TRIM29: variants seen among roughly 807,000 people sequenced by gnomAD.
TRIM29 encodes tripartite motif containing 29, also known as tripartite motif-containing protein 29.
In TRIM29, 52 loss-of-function variants were observed where a neutral mutation model predicts 57.3. That is an observed-to-expected ratio of 0.91 (90% CI 0.73 to 1.14). The LOEUF is 1.14. Among genes scored for constraint, TRIM29 ranks in the 50% most tolerant of loss-of-function variants. TRIM29 has a pLI of 0.00. For synonymous variants in TRIM29, 319 were observed against 316.9 expected, an observed-to-expected ratio of 1.01 and a Z score of -0.07; for missense variants, 753 against 774.6, an observed-to-expected ratio of 0.97 and a Z score of 0.33.
intron 4 of TRIM29, chr11:120,125,436 T>G: frequency 1.4e-4 from 66 of 484,996 alleles, no homozygotes; most frequent in East Asian, 1.7e-4. Flanking sequence ...AGAGGAGGCA[T>G]TTGTGGAGCC....
At position 120,137,553 on chromosome 11, in the gene TRIM29, A is replaced by C; in HGVS notation, c.479T>G (p.Leu160Arg). Residue 160 changes from leucine to arginine, a missense_variant, in exon 1 of 9, where the codon CTT (leucine) becomes CGT (arginine). Physicochemically the swap from Leu to Arg is moderately radical, Grantham distance 102. Coordinates refer to ENST00000341846, the MANE Select transcript of TRIM29 (RefSeq NM_012101.4). This position sits in a 1 kb window ranked among gnomAD's most constrained non-coding sequence, Gnocchi z 6.2. ...RNSYPRADTGLFSRSKSGSEE... is the reference protein window; with the variant it reads ...RNSYPRADTGRFSRSKSGSEE... ...GGAGCCGGACTTGGACCGTGAAAAA[A>C]GGCCCGTGTCGGCCCGGGGGTAGCT... The C allele has an allele frequency of 6.2e-7, 1 of 1,610,348 alleles. No homozygotes were observed. Among genetic ancestry groups the C allele is most frequent in the Non-Finnish European group, 8.5e-7 (1 of 1,179,964 alleles).
At chr11:120,115,588 C>A in intron 7 of TRIM29, 174 bp from the exon 8 acceptor site, 1 of 602,536 alleles carries the variant, frequency 1.7e-6, no homozygotes, top group Non-Finnish European at 2.9e-6. Context: ...ACCGAAAATC[C>A]TGGGGAGGCT....
intron 4 of TRIM29, 79 bp from the exon 5 acceptor site, chr11:120,123,134 A>T: frequency 8.4e-7 from 1 of 1,196,460 alleles, no homozygotes; most frequent in Non-Finnish European, 1.2e-6. Context: ...TGGGGCTCAG[A>T]TGAGTCACCC....
chr11:120,119,867 G>T (rs143582430), intron 6 of TRIM29, among the ~76,000 whole-genome samples: 56 of 152,270 alleles, frequency 3.7e-4, no homozygotes, highest in Non-Finnish European at 7.4e-4. Flanking sequence ...CCAGAACCAG[G>T]TCTCATTGAA....
At chr11:120,136,589 G>A (rs1863818124) in intron 1 of TRIM29, among the ~76,000 whole-genome samples, 2 of 152,136 alleles carry the variant, frequency 1.3e-5, no homozygotes, top group Admixed American at 6.5e-5. Flanking sequence ...GGATAAAGGA[G>A]GCTGTGGAGG....
Position 120,127,525 on chromosome 11 carries a change from C to G in TRIM29, c.945G>C (p.Arg315=). The G allele has an allele frequency of 6.2e-7, 1 of 1,614,170 alleles. No individual in the cohort carries two copies. The highest frequency in any genetic ancestry group is 8.5e-7 in the Non-Finnish European group (1 of 1,180,030). Residue 315 remains arginine, a synonymous_variant, in exon 3 of 9, where the codon CGG becomes CGC. Transcript: ENST00000341846. ...NEKAILEQNF[R]DLVRDLEKQK... ...GCTTCTCCAGGTCCCGCACCAGGTC[C>G]CGGAAGTTCTGCTCCAGGATGGCCT... is the stretch of plus-strand genomic sequence containing the variant.
rs190011259 is a variant in TRIM29, at chr11:120,136,474, G to A, written c.804+754C>T. 1.7e-3 allele frequency among the ~76,000 whole-genome samples: 252 copies of A among 152,238 alleles called. 1 individual carries two copies. Among genetic ancestry groups the A allele is most frequent in the Admixed American group, 4.2e-3 (64 of 15,294 alleles). On this transcript the variant is annotated intron_variant, in intron 1 of 8. Coordinates refer to ENST00000341846, the MANE Select transcript of TRIM29 (RefSeq NM_012101.4). ...TCAGGGACTAGCTGTACACGTACAC[G>A]CCATCCACACACAAACTCCAAACTT...
chr11:120,120,784 C>G, intron 5 of TRIM29, 119 bp from the exon 6 acceptor site: 1 of 816,226 alleles, frequency 1.2e-6, no homozygotes, highest in South Asian at 1.4e-5. Context: ...GAGAGAAGTC[C>G]TTTGGGTCTG....
At chr11:120,118,402 T>C (rs1863339732) in intron 6 of TRIM29, 81 bp from the exon 7 acceptor site, 1 of 1,078,150 alleles carries the variant, frequency 9.3e-7, no homozygotes, top group South Asian at 1.5e-5. Context: ...GCCAGGTCTA[T>C]GACTCTCTAG....
At chr11:120,127,143 T>TA (rs1386915829) in intron 3 of TRIM29, among the ~76,000 whole-genome samples, 193 bp downstream of exon 3, 1 of 152,196 alleles carries the variant, frequency 6.6e-6, no homozygotes, top group Non-Finnish European at 1.5e-5. Context: ...GGATTGGATT[T>TA]AAAAAATTAA....
At chr11:120,130,131 C>T (rs1184670413) in intron 1 of TRIM29, among the ~76,000 whole-genome samples, 1 of 152,146 alleles carries the variant, frequency 6.6e-6, no homozygotes, top group African/African-American at 2.4e-5. Context: ...CCAGGAAACA[C>T]AGGCTGGCAG....
chr11:120,117,875 T>C, intron 7 of TRIM29: 1 of 281,178 alleles, frequency 3.6e-6, no homozygotes, highest in South Asian at 3.9e-5. Flanking sequence ...CGCTGGGAGT[T>C]AAATAAACTC....
At chr11:120,119,117 G>A (rs1467873783) in intron 6 of TRIM29, among the ~76,000 whole-genome samples, 1 of 152,184 alleles carries the variant, frequency 6.6e-6, no homozygotes, top group Admixed American at 6.5e-5. Context: ...TTGCCAAGTT[G>A]AATAGGCTAA....
intron 7 of TRIM29, chr11:120,115,817 C>T (rs1183875243): frequency 4.7e-6 from 1 of 213,868 alleles, no homozygotes; most frequent in African/African-American, 2.4e-5. Context: ...AGTTTCCCGG[C>T]AGGAGGCGCT....
At position 120,115,326 on chromosome 11, in the gene TRIM29, C is replaced by T. The variant is rs1863238861; in HGVS notation, c.1704+12G>A. The stretch of plus-strand genomic sequence containing the variant: ...GGATGTGCCCAGGCCCTCCCGGCAG[C>T]ACTTCCCTTACCAGCATAGTCTGCT... On this transcript the variant is annotated intron_variant, in intron 8 of 8. Coordinates refer to ENST00000341846, the MANE Select transcript of TRIM29 (RefSeq NM_012101.4). The T allele has an allele frequency of 1.2e-6, 2 of 1,612,432 alleles. No individual in the cohort carries two copies. The highest frequency in any genetic ancestry group is 1.6e-4 in the Middle Eastern group (1 of 6,062).
At position 120,112,148 on chromosome 11, in the gene TRIM29, C is replaced by T; in HGVS notation, c.*266G>A. On this transcript the variant is annotated 3_prime_UTR_variant, in exon 9 of 9. Coordinates refer to ENST00000341846, the MANE Select transcript of TRIM29 (RefSeq NM_012101.4). ...GGTTAGGGCAGGCCCCAACCTATCTCACCCCTGTGATGGGTTGGCCTCTGA... is the reference window on the plus strand; with the variant it reads ...GGTTAGGGCAGGCCCCAACCTATCTTACCCCTGTGATGGGTTGGCCTCTGA... 4.5e-6 allele frequency: 2 copies of T among 443,508 alleles called. No homozygotes were observed. The highest frequency in any genetic ancestry group is 8.2e-6 in the Non-Finnish European group (2 of 243,768). The allele number at this position is 443,508 out of a possible 1,614,324, so 27.5% of individuals were successfully genotyped here.
intron 1 of TRIM29, among the ~76,000 whole-genome samples, chr11:120,131,430 T>C (rs1360957165): frequency 6.6e-6 from 1 of 151,844 alleles, no homozygotes; most frequent in African/African-American, 2.4e-5. Flanking sequence ...GCCAGAGGTG[T>C]TGGCGGATGA....
intron 8 of TRIM29, among the ~76,000 whole-genome samples, chr11:120,113,890 G>A (rs76031864): frequency 0.027 from 4,081 of 152,270 alleles, 99 homozygotes; most frequent in Non-Finnish European, 0.036. Flanking sequence ...AGCCTGGAGT[G>A]GTAGGTGGGC....
chr11:120,130,732 C>T (rs139347038), intron 1 of TRIM29, among the ~76,000 whole-genome samples: 149 of 152,330 alleles, frequency 9.8e-4, no homozygotes, highest in Non-Finnish European at 1.3e-3. Flanking sequence ...ATTGTGTGGG[C>T]AACTTCCATG....
Sources: gnomAD v4.1 joint callset for allele counts (sites outside exome capture counted in the v4.1 genomes callset) on GRCh38, gnomAD v4.1.1 for gene constraint, Gnocchi (gnomAD v3.1) non-coding constraint, MANE v1.5 for transcripts, NCBI Gene and HGNC (gene_info 2026-07-23, HGNC 2026-07-21) for gene names.